The following KCNB2 variants were observed in gnomAD, a reference collection of about 807,000 sequenced individuals.
KCNB2 encodes the protein delayed rectifier potassium channel protein.
In KCNB2, 15 loss-of-function variants were observed where a neutral mutation model predicts 61.5. The ratio of observed to expected loss-of-function variants is 0.24; its 90% CI spans 0.16 to 0.38. The LOEUF (loss-of-function observed/expected upper bound fraction) is 0.38. Among genes scored for constraint, KCNB2 ranks in the 10% least tolerant of loss-of-function variants. KCNB2 has a pLI of 1.00. For synonymous variants in KCNB2, 457 were observed against 446.0 expected (o/e 1.02, Z -0.31); for missense variants, 828 against 1,125.2 (o/e 0.74, Z 3.78).
intron 2 of KCNB2, among the ~76,000 whole-genome samples, chr8:72,873,399 A>G (rs1270865164): frequency 6.6e-6 from 1 of 152,242 alleles, no homozygotes; most frequent in Non-Finnish European, 1.5e-5. Flanking sequence ...GCTCAGACAC[A>G]AGCCATGTGG....
At chr8:72,916,148 C>T (rs1303305688) in intron 2 of KCNB2, among the ~76,000 whole-genome samples, 1 of 152,102 alleles carries the variant, frequency 6.6e-6, no homozygotes, top group African/African-American at 2.4e-5. Context: ...TCACTGATAT[C>T]TTGTGCAAAA....
At chr8:72,819,974 C>T (rs1470316785) in intron 2 of KCNB2, among the ~76,000 whole-genome samples, 10 of 152,090 alleles carry the variant, frequency 6.6e-5, no homozygotes, top group Admixed American at 5.9e-4. Context: ...TTTTTCCTGG[C>T]TCCCAAAGCA....
intron 2 of KCNB2, among the ~76,000 whole-genome samples, chr8:72,703,048 G>T (rs553727334): frequency 6.6e-6 from 1 of 152,294 alleles, no homozygotes; most frequent in Non-Finnish European, 1.5e-5. Flanking sequence ...TTTTCATCTT[G>T]CTGGAGCAAC....
intron 1 of KCNB2, among the ~76,000 whole-genome samples, chr8:72,547,803 TAAAAC>T: frequency 6.6e-6 from 1 of 152,328 alleles, no homozygotes; most frequent in Middle Eastern, 3.4e-3. Flanking sequence ...ACTTAGTTGA[TAAAAC>T]AGAAACAAGA....
rs1806402660 is a variant in KCNB2, at chr8:72,555,090, T to C, written c.-93-12552T>C. 2.6e-5 allele frequency among the ~76,000 whole-genome samples: 4 copies of C among 152,088 alleles called. No homozygotes were observed. In the South Asian group the frequency reaches 8.3e-4, roughly 31 times the overall value. On this transcript the variant is annotated intron_variant, in intron 1 of 2. Coordinates refer to ENST00000523207, the MANE Select transcript of KCNB2 (RefSeq NM_004770.3). ...CAAGAACATGGTCTTTGGATTAAGA[T>C]AATGCTGGGTTGGAATCTTGGAGGC...
chr8:72,921,940 T>C (rs891310092), intron 2 of KCNB2, among the ~76,000 whole-genome samples: 2 of 152,230 alleles, frequency 1.3e-5, no homozygotes, highest in Non-Finnish European at 2.9e-5. Context: ...TCTGTGAGTG[T>C]TCTTAGCTCT....
At chr8:72,705,051 G>A (rs1420497350) in intron 2 of KCNB2, among the ~76,000 whole-genome samples, 1 of 152,116 alleles carries the variant, frequency 6.6e-6, no homozygotes, top group Non-Finnish European at 1.5e-5. Flanking sequence ...GGTACAGAGG[G>A]CTGACTGTAT....
chr8:72,842,329 A>T (rs1447613442), intron 2 of KCNB2, among the ~76,000 whole-genome samples: 1 of 152,178 alleles, frequency 6.6e-6, no homozygotes, highest in Non-Finnish European at 1.5e-5. Context: ...TATTGGATTC[A>T]GTTTGCCAAT....
At chr8:72,559,821 G>A (rs1806485535) in intron 1 of KCNB2, among the ~76,000 whole-genome samples, 2 of 152,174 alleles carry the variant, frequency 1.3e-5, no homozygotes, top group Admixed American at 6.5e-5. Context: ...TAATAGTGAG[G>A]TGGAATTTAA....
At chr8:72,885,368 A>G (rs1805786527) in intron 2 of KCNB2, among the ~76,000 whole-genome samples, 1 of 152,148 alleles carries the variant, frequency 6.6e-6, no homozygotes, top group Non-Finnish European at 1.5e-5. Context: ...ACATTATGCA[A>G]TAAAGAGATT....
At chr8:72,773,714 C>T (rs1808601373) in intron 2 of KCNB2, among the ~76,000 whole-genome samples, 1 of 152,164 alleles carries the variant, frequency 6.6e-6, no homozygotes, top group Non-Finnish European at 1.5e-5. Context: ...TTCAACTTAT[C>T]AAATATTTTG....
intron 2 of KCNB2, among the ~76,000 whole-genome samples, chr8:72,789,042 T>C (rs1808892257): frequency 6.6e-6 from 1 of 152,138 alleles, no homozygotes; most frequent in African/African-American, 2.4e-5. Flanking sequence ...TTCTAGAACA[T>C]GACCTTAAAT....
chr8:72,870,522 T>A (rs1438145366), intron 2 of KCNB2, among the ~76,000 whole-genome samples: 1 of 152,216 alleles, frequency 6.6e-6, no homozygotes, highest in Admixed American at 6.5e-5. Flanking sequence ...CCTCATGTTA[T>A]GTTCTCATCT....
At chr8:72,566,111 A>G (rs181107841) in intron 1 of KCNB2, among the ~76,000 whole-genome samples, 141 of 152,316 alleles carry the variant, frequency 9.3e-4, no homozygotes, top group African/African-American at 3.1e-3. Flanking sequence ...TGGAAAGGCC[A>G]GGAGCTTAAA....
chr8:72,718,753 T>C (rs1180250088), intron 2 of KCNB2, among the ~76,000 whole-genome samples: 1 of 151,988 alleles, frequency 6.6e-6, no homozygotes, highest in African/African-American at 2.4e-5. Flanking sequence ...ACATGGCACA[T>C]ATATACATAT....
Position 72,563,464 on chromosome 8 carries a change from G to A in KCNB2, c.-93-4178G>A, listed in dbSNP as rs535204390. On this transcript the variant is annotated intron_variant, in intron 1 of 2. Transcript: ENST00000523207. Reference sequence around the variant, plus strand: ...CTGGAAGGTATTTTCAGCCTAGGAGGCCTCTGTATTAAGATTGGCTACAGA... The same window carrying A: ...CTGGAAGGTATTTTCAGCCTAGGAGACCTCTGTATTAAGATTGGCTACAGA... Among the ~76,000 whole-genome samples the A allele has an allele frequency of 5.7e-4, 87 of 152,198 alleles. No homozygotes were observed. In the South Asian group the frequency reaches 9.4e-3, roughly 16 times the overall value.
At position 72,743,300 on chromosome 8, in the gene KCNB2, T is replaced by C. The variant is rs371668312; in HGVS notation, c.579+174987T>C. ...CTAAAGTTGCCTGTCCATAATCGAGTTATAAATGTGGCAATATTCTAGGCA... is the reference window on the plus strand; with the variant it reads ...CTAAAGTTGCCTGTCCATAATCGAGCTATAAATGTGGCAATATTCTAGGCA... On this transcript the variant is annotated intron_variant, in intron 2 of 2. Coordinates refer to ENST00000523207, the MANE Select transcript of KCNB2 (RefSeq NM_004770.3). Among the ~76,000 whole-genome samples, 24 of 152,340 alleles carry C rather than the reference T, an allele frequency of 1.6e-4. 1 individual carries two copies. In the East Asian group the frequency reaches 4.1e-3, roughly 26 times the overall value.
intron 2 of KCNB2, among the ~76,000 whole-genome samples, chr8:72,807,395 C>T (rs562137821): frequency 6.6e-6 from 1 of 152,162 alleles, no homozygotes; most frequent in African/African-American, 2.4e-5. Context: ...GTAAACTTGA[C>T]CACCCTGCAG....
chr8:72,680,891 G>C (rs1806738486), intron 2 of KCNB2, among the ~76,000 whole-genome samples: 1 of 152,148 alleles, frequency 6.6e-6, no homozygotes, highest in African/African-American at 2.4e-5. Flanking sequence ...GGAAGATGGG[G>C]AGAATTACAG....
Sources: allele counts gnomAD v4.1 joint callset (sites outside exome capture counted in the v4.1 genomes callset), GRCh38; gene constraint gnomAD v4.1.1; transcripts MANE v1.5; gene names NCBI Gene and HGNC (gene_info 2026-07-23, HGNC 2026-07-21).